Variants in APBA1 observed in about 807,000 individuals in gnomAD.
The protein encoded by APBA1 is amyloid beta precursor protein binding family A member 1, also known as amyloid-beta A4 precursor protein-binding family A member 1.
In APBA1, 55 loss-of-function variants were observed where a neutral mutation model predicts 86.6. The observed-to-expected ratio is 0.64, with a 90% CI of 0.51 to 0.80. The LOEUF (loss-of-function observed/expected upper bound fraction) is 0.80. Among genes scored for constraint, APBA1 ranks in the 30% least tolerant of loss-of-function variants. The probability of loss-of-function intolerance (pLI) is 0.00; values close to 1 mark genes in which losing one functional copy is unlikely to be tolerated. For missense variants in APBA1, 1,090 were observed against 1,183.0 expected, an observed-to-expected ratio of 0.92 and a Z score of 1.15; for synonymous variants, 511 against 493.9, an observed-to-expected ratio of 1.03 and a Z score of -0.46.
chr9:69,552,379 T>C (rs1025663397), intron 1 of APBA1, among the ~76,000 whole-genome samples: 3 of 152,214 alleles, frequency 2.0e-5, no homozygotes, highest in African/African-American at 7.2e-5. Flanking sequence ...TCATTATTTA[T>C]GTATAAAATG....
chr9:69,549,177 C>A (rs72719017), intron 1 of APBA1, among the ~76,000 whole-genome samples: 11,680 of 152,188 alleles, frequency 0.077, 572 homozygotes, highest in African/African-American at 0.14. Flanking sequence ...CAGGGGAAGG[C>A]CGTTGCAGGC....
chr9:69,578,838 A>G (rs987733823), intron 1 of APBA1, among the ~76,000 whole-genome samples: 18 of 152,154 alleles, frequency 1.2e-4, no homozygotes, highest in Admixed American at 3.3e-4. Context: ...ACAACTTCAC[A>G]AATTGTAGGG....
intron 2 of APBA1, among the ~76,000 whole-genome samples, chr9:69,484,497 G>A (rs936443147): frequency 5.9e-5 from 9 of 152,132 alleles, no homozygotes; most frequent in African/African-American, 1.7e-4. Context: ...GAGCTCATTC[G>A]AGTTTCCTCC....
At position 69,516,176 on chromosome 9, in the gene APBA1, G is replaced by T. The variant is rs373701291; in HGVS notation, c.1035C>A (p.Ala345=). The T allele has an allele frequency of 4.3e-6, 7 of 1,610,528 alleles. No homozygotes were observed. The highest frequency in any genetic ancestry group is 5.9e-6 in the Non-Finnish European group (7 of 1,178,578). The change falls in exon 2 of 13, where the codon GCC becomes GCA. Residue 345 remains alanine, a synonymous_variant. Coordinates refer to ENST00000265381, the MANE Select transcript of APBA1 (RefSeq NM_001163.4). This position sits in a 1 kb window ranked among gnomAD's most constrained non-coding sequence, Gnocchi z 7.3. ...GQRYSKEKRD[A]ISLAIKDIKE... is the part of the protein sequence containing the mutation. ...TGATGTCCTTGATGGCCAGCGAGAT[G>T]GCATCGCGCTTCTCCTTGCTGTACC...
chr9:69,658,230 T>TTCTC (rs1202854863), intron 1 of APBA1, among the ~76,000 whole-genome samples: 570 of 15,352 alleles, frequency 0.037, 2 homozygotes, highest in South Asian at 0.11. Context: ...CTCTCTTTCT[T>TTCTC]TCTTTCTTTC....
At chr9:69,551,356 A>C (rs1251911593) in intron 1 of APBA1, among the ~76,000 whole-genome samples, 1 of 152,174 alleles carries the variant, frequency 6.6e-6, no homozygotes, top group Non-Finnish European at 1.5e-5. Flanking sequence ...GTTCGAGACC[A>C]GCCTGTCCAA....
intron 10 of APBA1, among the ~76,000 whole-genome samples, chr9:69,444,185 T>A (rs1215828262): frequency 6.6e-6 from 1 of 152,218 alleles, no homozygotes; most frequent in East Asian, 1.9e-4. Context: ...GACTTAGCAT[T>A]CACATTCATG....
chr9:69,436,708 A>T lies in APBA1; in HGVS notation c.2302-4032T>A, dbSNP rs1283357037. On this transcript the variant is annotated intron_variant, in intron 11 of 12. Coordinates refer to ENST00000265381, the MANE Select transcript of APBA1 (RefSeq NM_001163.4). Reference sequence around the variant, plus strand: ...AGTGGGGTTTTCTAGATATACAATCATGTCATCTGCAAACAGGGATAATTT... The same window carrying T: ...AGTGGGGTTTTCTAGATATACAATCTTGTCATCTGCAAACAGGGATAATTT... Among the ~76,000 whole-genome samples, 6 of 152,174 alleles carry T rather than the reference A, an allele frequency of 3.9e-5. No individual in the cohort carries two copies. The South Asian group carries it at 8.3e-4, about 21-fold the overall frequency.
chr9:69,435,642 G>T (rs1422866199), intron 11 of APBA1, among the ~76,000 whole-genome samples: 3 of 152,120 alleles, frequency 2.0e-5, no homozygotes, highest in Non-Finnish European at 2.9e-5. Context: ...TGATGGGGTT[G>T]TTTTTTTCTT....
At chr9:69,666,716 AG>A (rs1218333483) in intron 1 of APBA1, among the ~76,000 whole-genome samples, 2 of 152,212 alleles carry the variant, frequency 1.3e-5, no homozygotes, top group African/African-American at 2.4e-5. Context: ...AAGGATCTAA[AG>A]GGTTCACAAT....
At chr9:69,555,681 T>C (rs1836849874) in intron 1 of APBA1, among the ~76,000 whole-genome samples, 1 of 152,198 alleles carries the variant, frequency 6.6e-6, no homozygotes, top group Non-Finnish European at 1.5e-5. Flanking sequence ...CTTTTTAAAA[T>C]TAAAATGTCT....
intron 1 of APBA1, among the ~76,000 whole-genome samples, chr9:69,537,278 CT>C (rs1836528010): frequency 6.6e-6 from 1 of 152,014 alleles, no homozygotes; most frequent in African/African-American, 2.4e-5. Context: ...AAAATATCGT[CT>C]GAAAAGCTGA....
intron 1 of APBA1, among the ~76,000 whole-genome samples, chr9:69,568,114 T>G (rs1018208971): frequency 6.6e-6 from 1 of 152,180 alleles, no homozygotes; most frequent in Non-Finnish European, 1.5e-5. Flanking sequence ...CTAAACTGCC[T>G]GGGTAGGAGA....
chr9:69,568,286 C>T (rs1432505653), intron 1 of APBA1, among the ~76,000 whole-genome samples: 5 of 152,266 alleles, frequency 3.3e-5, no homozygotes, highest in Admixed American at 1.3e-4. Flanking sequence ...GGGGGCACTT[C>T]ATGAAAGATC....
At chr9:69,448,870 A>G (rs1410523599) in intron 10 of APBA1, among the ~76,000 whole-genome samples, 1 of 152,246 alleles carries the variant, frequency 6.6e-6, no homozygotes, top group African/African-American at 2.4e-5. Flanking sequence ...TGCATTCAGC[A>G]AGTCCCAATG....
intron 3 of APBA1, among the ~76,000 whole-genome samples, chr9:69,475,140 G>C (rs1835422664): frequency 6.6e-6 from 1 of 152,332 alleles, no homozygotes; most frequent in Non-Finnish European, 1.5e-5. Context: ...GGGGAAGGCA[G>C]TGTCTCCCCT....
chr9:69,458,808 CTT>C (rs533176322), intron 5 of APBA1, among the ~76,000 whole-genome samples: 2 of 140,494 alleles, frequency 1.4e-5, no homozygotes. Context: ...CTTTTCTTTT[CTT>C]TTTTTTTTTT....
chr9:69,636,119 C>G (rs1348195594), intron 1 of APBA1, among the ~76,000 whole-genome samples: 1 of 152,156 alleles, frequency 6.6e-6, no homozygotes, highest in East Asian at 1.9e-4. Context: ...AGAAGACATA[C>G]AAATGGCAAA....
rs577025469 is a variant in APBA1, at chr9:69,651,416, TG to T, written c.-70+20736del. Among the ~76,000 whole-genome samples, 630 of 152,332 alleles carry T rather than the reference TG, an allele frequency of 4.1e-3. 5 individuals are homozygous for T. The highest frequency in any genetic ancestry group is 3.2e-3 in the Non-Finnish European group (217 of 68,030). On this transcript the variant is annotated intron_variant, in intron 1 of 12. Transcript: ENST00000265381. The stretch of plus-strand genomic sequence containing the variant: ...TGTGTAGTTTATACACTTTACTGTA[TG>T]TGTTTTACTTCTATTATAAAACAAT...
Sources: gnomAD v4.1 joint callset for allele counts (sites outside exome capture counted in the v4.1 genomes callset) on GRCh38, gnomAD v4.1.1 for gene constraint, Gnocchi (gnomAD v3.1) non-coding constraint, MANE v1.5 for transcripts, NCBI Gene and HGNC (gene_info 2026-07-23, HGNC 2026-07-21) for gene names.